NXPH1: variants seen among roughly 807,000 people sequenced by gnomAD.
NXPH1 encodes the protein neurexophilin 1.
Under a neutral mutation model 23.7 loss-of-function variants are expected in NXPH1, and 5 were observed. The observed-to-expected ratio is 0.21, with a 90% CI of 0.11 to 0.44. The LOEUF is 0.44. Among genes scored for constraint, NXPH1 ranks in the 20% least tolerant of loss-of-function variants. The pLI is 0.99. For missense variants in NXPH1, 324 were observed against 321.6 expected (o/e 1.01, Z -0.06); for synonymous variants, 144 against 122.2 (o/e 1.18, Z -1.18).
chr7:8,669,718 CTTCCCTCCCT>C (rs898122561), intron 2 of NXPH1, among the ~76,000 whole-genome samples: 4 of 152,246 alleles, frequency 2.6e-5, no homozygotes, highest in African/African-American at 9.6e-5. Flanking sequence ...CCACTGCTTT[CTTCCCTCCCT>C]TTCCCTCAAG....
chr7:8,659,000 T>TGGAGATAATAAATGGCCTTAA (rs1199930253), intron 2 of NXPH1, among the ~76,000 whole-genome samples: 1 of 73,730 alleles, frequency 1.4e-5, no homozygotes, highest in Non-Finnish European at 3.2e-5. Context: ...TATATATATA[T>TGGAGATAATAAATGGCCTTAA]ATATATTTTT....
At chr7:8,520,290 C>T (rs1391708734) in intron 2 of NXPH1, among the ~76,000 whole-genome samples, 1 of 152,136 alleles carries the variant, frequency 6.6e-6, no homozygotes, top group East Asian at 1.9e-4. Context: ...CTTTTTCAGA[C>T]AATTCAACAA....
chr7:8,458,266 A>G (rs979069233), intron 2 of NXPH1, among the ~76,000 whole-genome samples: 1 of 152,172 alleles, frequency 6.6e-6, no homozygotes. Context: ...AGAAGACCAG[A>G]TGAGGAATTT....
intron 2 of NXPH1, among the ~76,000 whole-genome samples, chr7:8,615,276 A>G (rs1183221837): frequency 6.6e-6 from 1 of 152,094 alleles, no homozygotes; most frequent in Non-Finnish European, 1.5e-5. Context: ...GGCAGTGCGC[A>G]TGGTGGCTAA....
chr7:8,718,641 A>T (rs1692475126), intron 2 of NXPH1, among the ~76,000 whole-genome samples: 1 of 152,214 alleles, frequency 6.6e-6, no homozygotes, highest in African/African-American at 2.4e-5. Flanking sequence ...TTATATAGTT[A>T]TATTTCAATC....
At chr7:8,479,255 A>G (rs1021598356) in intron 2 of NXPH1, among the ~76,000 whole-genome samples, 1 of 152,126 alleles carries the variant, frequency 6.6e-6, no homozygotes, top group Admixed American at 6.6e-5. Context: ...AAATGTTTAA[A>G]AGCTATTCTC....
chr7:8,711,376 G>A (rs1007779461), intron 2 of NXPH1, among the ~76,000 whole-genome samples: 2 of 152,084 alleles, frequency 1.3e-5, no homozygotes, highest in African/African-American at 2.4e-5. Context: ...TTTCATGAAA[G>A]GATTTACTAT....
intron 2 of NXPH1, among the ~76,000 whole-genome samples, chr7:8,645,348 C>G (rs765457): frequency 0.67 from 102,244 of 151,912 alleles, 34,851 homozygotes; most frequent in East Asian, 0.83. Context: ...TAAAATGTCT[C>G]CAAATATATT....
chr7:8,560,011 G>C (rs779045643), intron 2 of NXPH1, among the ~76,000 whole-genome samples: 5 of 151,606 alleles, frequency 3.3e-5, no homozygotes, highest in African/African-American at 1.2e-4. Context: ...TGCATTTGCC[G>C]TCTTTAGGCA....
Position 8,659,984 on chromosome 7 carries a change from C to T in NXPH1, c.55-91024C>T, listed in dbSNP as rs139843393. 1.7e-4 allele frequency among the ~76,000 whole-genome samples: 26 copies of T among 152,214 alleles called. No homozygotes were observed. The East Asian group carries it at 4.6e-3, about 27-fold the overall frequency. ...GAGAGACGTGCTGGGATGGTATTGG[C>T]GTCAAGTGTTTGGGGAATACTTAAG... On this transcript the variant is annotated intron_variant, in intron 2 of 2. Transcript: ENST00000405863.
intron 2 of NXPH1, among the ~76,000 whole-genome samples, chr7:8,667,312 T>C (rs1484596571): frequency 2.0e-5 from 3 of 152,172 alleles, no homozygotes; most frequent in African/African-American, 7.2e-5. Flanking sequence ...TCCCATTTTT[T>C]TTCAGCTTGA....
chr7:8,588,602 C>T (rs554942483), intron 2 of NXPH1, among the ~76,000 whole-genome samples: 19 of 152,122 alleles, frequency 1.2e-4, no homozygotes, highest in Non-Finnish European at 2.8e-4. Flanking sequence ...GGTACTGACT[C>T]TTTTTCATTA....
At chr7:8,675,002 T>C (rs994410628) in intron 2 of NXPH1, among the ~76,000 whole-genome samples, 3 of 152,174 alleles carry the variant, frequency 2.0e-5, no homozygotes, top group African/African-American at 7.2e-5. Flanking sequence ...CCCTGACTAT[T>C]TCCTACCAGG....
intron 2 of NXPH1, among the ~76,000 whole-genome samples, chr7:8,645,135 C>A (rs986277479): frequency 9.0e-4 from 137 of 152,200 alleles, no homozygotes; most frequent in African/African-American, 3.3e-3. Context: ...TACTATGATT[C>A]TTTTACTTTT....
chr7:8,752,045 A>C lies in NXPH1; in HGVS notation c.*276A>C. ...GGTACACAAACACACCGTCATGCAC[A>C]TTTCAGCTTGCGTCTATCATGATTC... On this transcript the variant is annotated 3_prime_UTR_variant, in exon 3 of 3. Transcript: ENST00000405863. 1 of 332,448 alleles carries C rather than the reference A, an allele frequency of 3.0e-6. No homozygotes were observed. Among genetic ancestry groups the C allele is most frequent in the Non-Finnish European group, 5.6e-6 (1 of 179,106 alleles). The allele number at this position is 332,448 out of a possible 1,614,324, so 20.6% of individuals were successfully genotyped here.
intron 2 of NXPH1, among the ~76,000 whole-genome samples, chr7:8,482,589 A>G (rs1335148776): frequency 6.6e-6 from 1 of 152,124 alleles, no homozygotes; most frequent in Non-Finnish European, 1.5e-5. Flanking sequence ...TTGGCCTTTT[A>G]AATCAGGGGT....
chr7:8,558,364 C>T (rs2128620417), intron 2 of NXPH1, among the ~76,000 whole-genome samples: 1 of 151,782 alleles, frequency 6.6e-6, no homozygotes, highest in African/African-American at 2.4e-5. Flanking sequence ...TCAGGTGCCA[C>T]TGGACATCCT....
At chr7:8,664,162 A>G (rs1820725249) in intron 2 of NXPH1, among the ~76,000 whole-genome samples, 1 of 152,064 alleles carries the variant, frequency 6.6e-6, no homozygotes, top group African/African-American at 2.4e-5. Flanking sequence ...ATCTTCCTAA[A>G]GAAAGCGAAG....
At position 8,435,852 on chromosome 7, in the gene NXPH1, G is replaced by A. The variant is rs559154752; in HGVS notation, c.54+85G>A. On this transcript the variant is annotated intron_variant, in intron 2 of 2. Transcript: ENST00000405863. This position sits in a 1 kb window ranked among gnomAD's most constrained non-coding sequence, Gnocchi z 5.9. ...TGGGGACACGCGGGAGAAGGGTTAC[G>A]CCGCCAGTTCAGTGAGAGCAGCTTC... 1.4e-4 allele frequency: 178 copies of A among 1,289,066 alleles called. No individual in the cohort carries two copies. In the African/African-American group the frequency reaches 2.2e-3, roughly 16 times the overall value. The allele number at this position is 1,289,066 out of a possible 1,614,324, so 79.9% of individuals were successfully genotyped here. A position where few individuals can be genotyped will look rare whatever the true frequency, so the allele number is the denominator to read the frequency against.
Sources: allele counts gnomAD v4.1 joint callset (sites outside exome capture counted in the v4.1 genomes callset), GRCh38; gene constraint gnomAD v4.1.1; non-coding constraint Gnocchi (gnomAD v3.1); transcripts MANE v1.5; gene names NCBI Gene and HGNC (gene_info 2026-07-23, HGNC 2026-07-21).